The following KAZN variants were observed in gnomAD, a reference collection of about 807,000 sequenced individuals.
KAZN encodes the protein kazrin, periplakin interacting protein.
In KAZN, 40 loss-of-function variants were observed where a neutral mutation model predicts 87.4. That is an observed-to-expected ratio of 0.46 (90% CI 0.36 to 0.60). The LOEUF is 0.60. KAZN is among the 20% of genes least tolerant of loss of function. KAZN has a pLI of 0.00. For missense variants in KAZN, 898 were observed against 1,073.9 expected (o/e 0.84, Z 2.29); for synonymous variants, 466 against 458.3 (o/e 1.02, Z -0.22).
chr1:14,450,418 G>A (rs535460823), intron 2 of KAZN, among the ~76,000 whole-genome samples: 9 of 152,026 alleles, frequency 5.9e-5, no homozygotes, highest in Non-Finnish European at 1.2e-4. Flanking sequence ...GTGAAACCCC[G>A]TCTCTACTAA....
intron 1 of KAZN, among the ~76,000 whole-genome samples, chr1:14,815,712 G>A (rs184737430): frequency 3.3e-5 from 5 of 152,272 alleles, no homozygotes; most frequent in East Asian, 3.9e-4. Flanking sequence ...CTTACAGAGG[G>A]CTTCCAAGCA....
intron 1 of KAZN, among the ~76,000 whole-genome samples, chr1:13,975,516 C>G (rs1236442912): frequency 6.6e-6 from 1 of 152,182 alleles, no homozygotes; most frequent in Non-Finnish European, 1.5e-5. Flanking sequence ...ATTGGACTTT[C>G]TCTATGTATT....
chr1:15,063,679 C>T lies in KAZN; in HGVS notation c.1098+57C>T. On this transcript the variant is annotated intron_variant, in intron 7 of 14. Transcript: ENST00000376030. ...TCCCTCCACCCCACCTTGACTACAA[C>T]TTCACCCTCTGTTCCCCTGAGCCCA... 4 of 1,380,272 alleles carry T rather than the reference C, an allele frequency of 2.9e-6. No individual in the cohort carries two copies. The South Asian group carries it at 4.7e-5, about 16-fold the overall frequency. The allele number at this position is 1,380,272 out of a possible 1,614,324, so 85.5% of individuals were successfully genotyped here. A position where few individuals can be genotyped will look rare whatever the true frequency, so the allele number is the denominator to read the frequency against.
intron 3 of KAZN, among the ~76,000 whole-genome samples, chr1:15,043,029 G>T (rs1319902703): frequency 6.6e-6 from 1 of 152,236 alleles, no homozygotes; most frequent in Non-Finnish European, 1.5e-5. Flanking sequence ...CTGCTCTGGG[G>T]ACTGGCACAG....
Position 14,927,802 on chromosome 1 carries a change from G to A in KAZN, c.227-32882G>A, listed in dbSNP as rs147264230. ...TTAAAATTCTGTATTATTTTATTAC[G>A]ATGATCATTTGGGTTCTTATCACTT... On this transcript the variant is annotated intron_variant, in intron 1 of 14. Transcript: ENST00000376030. Among the ~76,000 whole-genome samples the A allele has an allele frequency of 4.0e-3, 603 of 152,140 alleles. 12 individuals are homozygous for A. In the South Asian group the frequency reaches 0.049, roughly 12 times the overall value.
At chr1:14,202,157 C>T (rs1269579758) in intron 2 of KAZN, among the ~76,000 whole-genome samples, 3 of 152,148 alleles carry the variant, frequency 2.0e-5, no homozygotes, top group South Asian at 2.1e-4. Flanking sequence ...AAGACAACCA[C>T]ACAGGGTGAG....
chr1:14,381,269 T>C (rs138239318), intron 2 of KAZN, among the ~76,000 whole-genome samples: 2,354 of 152,134 alleles, frequency 0.015, 49 homozygotes, highest in South Asian at 0.065. Flanking sequence ...CAAATATTAT[T>C]AGAGCTAAAG....
At chr1:14,720,685 G>T (rs929647662) in intron 1 of KAZN, among the ~76,000 whole-genome samples, 1 of 152,040 alleles carries the variant, frequency 6.6e-6, no homozygotes, top group African/African-American at 2.4e-5. Context: ...GCTCACATCG[G>T]CAGGCTTTCC....
At chr1:14,921,070 G>A (rs1316286199) in intron 1 of KAZN, among the ~76,000 whole-genome samples, 2 of 151,980 alleles carry the variant, frequency 1.3e-5, no homozygotes, top group Admixed American at 6.6e-5. Flanking sequence ...GCTGAGTAAG[G>A]GGGGCATGGG....
intron 1 of KAZN, among the ~76,000 whole-genome samples, chr1:13,992,076 A>G (rs12034667): frequency 0.15 from 22,898 of 152,060 alleles, 1,842 homozygotes; most frequent in Middle Eastern, 0.2. Context: ...TTTAGCACCT[A>G]CAACAACTCC....
chr1:14,349,955 C>A (rs547167760), intron 2 of KAZN, among the ~76,000 whole-genome samples: 2 of 151,644 alleles, frequency 1.3e-5, no homozygotes, highest in African/African-American at 2.4e-5. Flanking sequence ...GCCAACATGG[C>A]GAAAACCCGT....
Position 14,514,395 on chromosome 1 carries a change from AT to A in KAZN, c.250-84585del, listed in dbSNP as rs1294281345. Among the ~76,000 whole-genome samples, 96 of 15,672 alleles carry A rather than the reference AT, an allele frequency of 6.1e-3. 20 individuals carry two copies. The highest frequency in any genetic ancestry group is 0.039 in the East Asian group (53 of 1,356). 10.3% of individuals were successfully genotyped at this position (15,672 alleles called of 152,430 possible). On this transcript the variant is annotated intron_variant, in intron 2 of 16. Coordinates refer to the KAZN transcript ENST00000636203. ...TATATAATATATATATATTATATATATTTATATATATAATATATAAATATAT... is the reference window on the plus strand; with the variant it reads ...TATATAATATATATATATTATATATATTATATATATAATATATAAATATAT...
chr1:14,169,415 A>AT (rs1645902586), intron 1 of KAZN, among the ~76,000 whole-genome samples: 1 of 151,950 alleles, frequency 6.6e-6, no homozygotes, highest in East Asian at 1.9e-4. Context: ...TTTCCATGTT[A>AT]TATGTCCAGC....
At chr1:14,171,290 C>A (rs866583) in intron 1 of KAZN, among the ~76,000 whole-genome samples, 1 of 152,130 alleles carries the variant, frequency 6.6e-6, no homozygotes, top group Non-Finnish European at 1.5e-5. Flanking sequence ...GTTTTCAATT[C>A]TTTTGCTTAT....
At chr1:14,625,962 A>G (rs908074155) in intron 1 of KAZN, among the ~76,000 whole-genome samples, 1 of 152,200 alleles carries the variant, frequency 6.6e-6, no homozygotes, top group African/African-American at 2.4e-5. Flanking sequence ...CAGGGGACCT[A>G]CGGGATTCTG....
chr1:14,439,816 A>C (rs2101441457), intron 2 of KAZN, among the ~76,000 whole-genome samples: 1 of 152,070 alleles, frequency 6.6e-6, no homozygotes, highest in African/African-American at 2.4e-5. Context: ...ACCCCACATC[A>C]CCAACGCTGA....
chr1:14,821,138 C>T (rs1244629826), intron 1 of KAZN, among the ~76,000 whole-genome samples: 1 of 152,178 alleles, frequency 6.6e-6, no homozygotes, highest in African/African-American at 2.4e-5. Flanking sequence ...CCTTAGAAGT[C>T]ACTGTTATGG....
At chr1:14,624,598 T>C (rs1357746006) in intron 1 of KAZN, among the ~76,000 whole-genome samples, 1 of 152,022 alleles carries the variant, frequency 6.6e-6, no homozygotes, top group Non-Finnish European at 1.5e-5. Flanking sequence ...AAAAAAAAAG[T>C]TTAGAGGATT....
At position 13,925,418 on chromosome 1, in the gene KAZN, G is replaced by T. The variant is rs562278989; in HGVS notation, c.91+31662G>T. On this transcript the variant is annotated intron_variant, in intron 1 of 16. Coordinates refer to the KAZN transcript ENST00000636203. ...AGTGTCAAAGGGGGATGGGAGTATG[G>T]GTGGTTGGAAAAGGCCTCAATGTGG... Among the ~76,000 whole-genome samples the T allele has an allele frequency of 1.2e-4, 18 of 152,304 alleles. No homozygotes were observed. The South Asian group carries it at 1.2e-3, about 11-fold the overall frequency.
Sources: gnomAD v4.1 joint callset for allele counts (sites outside exome capture counted in the v4.1 genomes callset) on GRCh38, gnomAD v4.1.1 for gene constraint, MANE v1.5 for transcripts, NCBI Gene and HGNC (gene_info 2026-07-23, HGNC 2026-07-21) for gene names.